Variants in FANCA observed in about 807,000 individuals in gnomAD.
FANCA encodes the protein FA complementation group A.
In FANCA, 236 loss-of-function variants were observed where a neutral mutation model predicts 194.3. The ratio of observed to expected loss-of-function variants is 1.21; its 90% confidence interval spans 1.09 to 1.35. The LOEUF (loss-of-function observed/expected upper bound fraction) is 1.35. FANCA is among the 40% of genes most tolerant of loss of function. FANCA has a pLI of 0.00. For missense variants in FANCA, 2,628 were observed against 1,813.9 expected (o/e 1.45, Z -8.15); for synonymous variants, 1,014 against 715.8 (o/e 1.42, Z -6.65).
rs555449842 is a variant in FANCA, at chr16:89,775,816, C to T, written c.1827-1G>A. On this transcript the variant is annotated splice_acceptor_variant, in intron 20 of 42. Transcript: ENST00000389301. LOFTEE classifies it high-confidence loss of function. ...CAGAGATGGGGGGATTTTATCTGCT[C>T]TGGATCACAGGAAAACAATACAATT... 2.1e-5 allele frequency: 33 copies of T among 1,608,526 alleles called. No individual in the cohort carries two copies. Among genetic ancestry groups the T allele is most frequent in the African/African-American group, 2.7e-5 (2 of 74,904 alleles).
At chr16:89,785,443 G>C (rs756357389) in intron 14 of FANCA, among the ~76,000 whole-genome samples, 9 of 152,158 alleles carry the variant, frequency 5.9e-5, no homozygotes, top group Non-Finnish European at 1.2e-4. Context: ...TCCACCAGTG[G>C]ACAGATCACT....
intron 18 of FANCA, 92 bp from the exon 19 acceptor site, chr16:89,779,095 G>A (rs1296516258): frequency 9.9e-6 from 12 of 1,207,992 alleles, no homozygotes; most frequent in South Asian, 1.3e-5. Context: ...AGTGGACTGC[G>A]AGGGCTCACT....
chr16:89,811,185 T>C, intron 3 of FANCA, 114 bp from the exon 4 acceptor site: 1 of 1,356,058 alleles, frequency 7.4e-7, no homozygotes, highest in Non-Finnish European at 1.0e-6. Flanking sequence ...AAAAATTGCC[T>C]TTTAAACGGG....
chr16:89,783,947 CAG>C (rs781067067), intron 15 of FANCA, among the ~76,000 whole-genome samples: 1 of 151,972 alleles, frequency 6.6e-6, no homozygotes, highest in Non-Finnish European at 1.5e-5. Context: ...TTTCAGTAGA[CAG>C]GGGGTTTCTC....
In FANCA at chr16:89,805,390, TG is replaced by T; in HGVS notation, c.598del (p.His200IlefsTer45). On this transcript the variant is annotated frameshift_variant and splice_region_variant, in exon 7 of 43. Coordinates refer to ENST00000389301, the MANE Select transcript of FANCA (RefSeq NM_000135.4). LOFTEE classifies it high-confidence loss of function. ...CGATCCCACAGCATGCATGTCGGGA[TG>T]GCTGGAGACACACACAGAGGCAGAC... ...IVSLQELLES[H>X]PDMHAVGSWL... is the part of the protein sequence containing the mutation. The T allele has an allele frequency of 6.2e-7, 1 of 1,612,620 alleles. No homozygotes were observed. The highest frequency in any genetic ancestry group is 1.1e-5 in the South Asian group (1 of 90,996).
Position 89,816,565 on chromosome 16 carries a change from G to A in FANCA, c.51C>T (p.Gly17=), listed in dbSNP as rs1567660089. The stretch of plus-strand genomic sequence containing the variant: ...GCAGCTCGGCCCAGGCCCTCCGGCG[G>A]CCCCCTGGGTCCTGGCCCGAGGCGG... ...PNSASGQDPG[G]RRRAWAELLA... is the part of the protein sequence containing the mutation. The change falls in exon 1 of 43, where the codon GGC becomes GGT. Residue 17 remains glycine, a synonymous_variant. Transcript: ENST00000389301. 6 of 1,512,880 alleles carry A rather than the reference G, an allele frequency of 4.0e-6. No individual in the cohort carries two copies. Among genetic ancestry groups the A allele is most frequent in the Admixed American group, 4.1e-5 (2 of 49,254 alleles). The allele number at this position is 1,512,880 out of a possible 1,614,324, so 93.7% of individuals were successfully genotyped here.
chr16:89,806,347 C>T (rs200428327), intron 6 of FANCA, among the ~76,000 whole-genome samples: 27 of 110,402 alleles, frequency 2.4e-4, no homozygotes, highest in South Asian at 6.2e-4. Context: ...CTATATCATT[C>T]TTTTTTTTTT....
chr16:89,757,223 G>A (rs987921146), intron 30 of FANCA, among the ~76,000 whole-genome samples: 1 of 152,104 alleles, frequency 6.6e-6, no homozygotes, highest in Non-Finnish European at 1.5e-5. Context: ...TGGCCTCCCA[G>A]TGCTGAGATT....
chr16:89,784,848 T>C lies in FANCA; in HGVS notation c.1470+6A>G, dbSNP rs374035492. 1.2e-6 allele frequency: 2 copies of C among 1,606,494 alleles called. No individual in the cohort carries two copies. Among genetic ancestry groups the C allele is most frequent in the African/African-American group, 1.3e-5 (1 of 74,742 alleles). ...GAAATCATGGATGTGGCAGCCAGCTTCTCACCTGCAGGTACCGGGGAGACT... is the reference window on the plus strand; with the variant it reads ...GAAATCATGGATGTGGCAGCCAGCTCCTCACCTGCAGGTACCGGGGAGACT... On this transcript the variant is annotated splice_donor_region_variant and intron_variant, in intron 15 of 42. Coordinates refer to ENST00000389301, the MANE Select transcript of FANCA (RefSeq NM_000135.4).
intron 17 of FANCA, 137 bp from the exon 18 acceptor site, chr16:89,780,094 G>C: frequency 1.2e-6 from 1 of 802,944 alleles, no homozygotes; most frequent in Non-Finnish European, 2.1e-6. Flanking sequence ...CACATGCTGT[G>C]CGCACAGCAG....
At chr16:89,759,348 A>AAAAAAAAAAAAAAAAAAAAAAT (rs2038870665) in intron 29 of FANCA, among the ~76,000 whole-genome samples, 1 of 133,926 alleles carries the variant, frequency 7.5e-6, no homozygotes, top group Non-Finnish European at 1.6e-5. Context: ...AAAAAAAAAA[A>AAAAAAAAAAAAAAAAAAAAAAT]AGTAGCCTGG....
intron 32 of FANCA, 34 bp downstream of exon 32, chr16:89,749,696 G>A (rs1270185536): frequency 2.5e-6 from 4 of 1,596,116 alleles, no homozygotes; most frequent in Non-Finnish European, 2.6e-6. Flanking sequence ...CTGCCCAGGT[G>A]GTGCTGCCCT....
chr16:89,773,312 C>G lies in FANCA; in HGVS notation c.1973G>C (p.Gly658Ala). The change falls in exon 22 of 43, where the codon GGA (glycine) becomes GCA (alanine). Residue 658 changes from glycine to alanine, a missense_variant. By Grantham distance (60) the Gly-to-Ala change is moderately conservative. Transcript: ENST00000389301. ...EPLGQLTAAL[G>A]ELRASMTDPS... Reference sequence around the variant, plus strand: ...GTCTGTCATGGAGGCTCTCAGCTCTCCCAGTGCAGCTGTGAGCTGTCCCAG... The same window carrying G: ...GTCTGTCATGGAGGCTCTCAGCTCTGCCAGTGCAGCTGTGAGCTGTCCCAG... 1.3e-6 allele frequency: 2 copies of G among 1,551,562 alleles called. No homozygotes were observed. Among genetic ancestry groups the G allele is most frequent in the Non-Finnish European group, 1.7e-6 (2 of 1,146,990 alleles).
intron 7 of FANCA, 128 bp downstream of exon 7, chr16:89,805,152 G>C: frequency 1.4e-6 from 1 of 731,898 alleles, no homozygotes; most frequent in Non-Finnish European, 2.5e-6. Context: ...CTGGGAGTCT[G>C]TCATGCCAGG....
chr16:89,796,796 G>A (rs995072310), intron 10 of FANCA, among the ~76,000 whole-genome samples: 2 of 152,182 alleles, frequency 1.3e-5, no homozygotes, highest in African/African-American at 4.8e-5. Context: ...GCTGAGGCGG[G>A]CAGATCACAA....
chr16:89,753,261 G>A (rs1345102838), intron 30 of FANCA, among the ~76,000 whole-genome samples: 1 of 152,130 alleles, frequency 6.6e-6, no homozygotes, highest in Non-Finnish European at 1.5e-5. Flanking sequence ...TGTTTACCCT[G>A]CCCCTTCTGC....
At chr16:89,749,676 A>AGATGCTGCCCTGCCCAGGT (rs2038512137) in intron 32 of FANCA, 54 bp downstream of exon 32, 6 of 1,580,188 alleles carry the variant, frequency 3.8e-6, no homozygotes, top group Non-Finnish European at 5.2e-6. Context: ...GACCGTCATG[A>AGATGCTGCCCTGCCCAGGT]GATGCTGCCC....
chr16:89,746,430 C>G (rs988878407), intron 35 of FANCA, among the ~76,000 whole-genome samples, 154 bp downstream of exon 35: 1 of 149,922 alleles, frequency 6.7e-6, no homozygotes, highest in Non-Finnish European at 1.5e-5. Context: ...CTGCTATGAG[C>G]TGGCATCTTT....
At chr16:89,779,149 G>C (rs766564726) in intron 18 of FANCA, 146 bp from the exon 19 acceptor site, 4 of 801,994 alleles carry the variant, frequency 5.0e-6, no homozygotes, top group Non-Finnish European at 8.4e-6. Flanking sequence ...GCACAGTTCC[G>C]GGACAAGGCA....
Sources: gnomAD v4.1 joint callset for allele counts (sites outside exome capture counted in the v4.1 genomes callset) on GRCh38, gnomAD v4.1.1 for gene constraint, MANE v1.5 for transcripts, NCBI Gene and HGNC (gene_info 2026-07-23, HGNC 2026-07-21) for gene names.